The following MRC2 variants were observed in gnomAD, a reference collection of about 807,000 sequenced individuals.
MRC2 encodes the protein C-type mannose receptor 2.
Under a neutral mutation model 206.2 loss-of-function variants are expected in MRC2, and 84 were observed. The ratio of observed to expected loss-of-function variants is 0.41; its 90% CI spans 0.34 to 0.49. The LOEUF (loss-of-function observed/expected upper bound fraction) is 0.49, where lower values mean the gene tolerates loss of function less well. MRC2 is among the 20% of genes least tolerant of loss of function. MRC2 has a pLI of 0.31. For missense variants in MRC2, 1,676 were observed against 2,001.5 expected (o/e 0.84, Z 3.10); for synonymous variants, 798 against 800.0 (o/e 1.00, Z 0.04).
In MRC2 at chr17:62,664,591, C is replaced by A; in HGVS notation, c.162C>A (p.Cys54Ter). 1 of 1,613,480 alleles carries A rather than the reference C, an allele frequency of 6.2e-7. No homozygotes were observed. Among genetic ancestry groups the A allele is most frequent in the Non-Finnish European group, 8.5e-7 (1 of 1,179,966 alleles). ...TCTTCAGCCATGGACTGCAGGGCTG[C>A]CTGGAGGCCCAGGGCGGGCAGGTCA... ...FLIFSHGLQG[C>*]LEAQGGQVRV... Residue 54 changes from cysteine (C) to a stop codon, truncating the protein, a stop_gained, in exon 2 of 30, where the codon TGC (cysteine) becomes TGA (stop). Transcript: ENST00000303375. LOFTEE classifies it high-confidence loss of function. This position sits in a 1 kb window ranked among gnomAD's most constrained non-coding sequence, Gnocchi z 4.7.
At chr17:62,665,981 C>G in intron 2 of MRC2, 113 bp from the exon 3 acceptor site, 1 of 1,135,460 alleles carries the variant, frequency 8.8e-7, no homozygotes, top group Non-Finnish European at 1.2e-6. Flanking sequence ...ACCTGCTGAT[C>G]CCTGTGAACA....
At chr17:62,643,104 G>A (rs2088427531) in intron 1 of MRC2, among the ~76,000 whole-genome samples, 1 of 152,122 alleles carries the variant, frequency 6.6e-6, no homozygotes, top group Non-Finnish European at 1.5e-5. Context: ...AAGGCAGGTG[G>A]ATCACCTGAG....
chr17:62,690,352 C>T (rs2089092120), intron 26 of MRC2, 47 bp downstream of exon 26: 1 of 1,564,556 alleles, frequency 6.4e-7, no homozygotes, highest in African/African-American at 1.4e-5. Flanking sequence ...GGTGGCACCT[C>T]CTCTCGTGGG....
At chr17:62,653,936 GTC>G (rs1396700108) in intron 1 of MRC2, among the ~76,000 whole-genome samples, 2 of 152,182 alleles carry the variant, frequency 1.3e-5, no homozygotes, top group African/African-American at 4.8e-5. Context: ...CGTGGACACA[GTC>G]TCTAGCCAGG....
In MRC2 at chr17:62,671,639, G is replaced by C. The variant is rs568846474; in HGVS notation, c.1118-10G>C. 1.8e-5 allele frequency: 28 copies of C among 1,559,706 alleles called. No individual in the cohort carries two copies. In the South Asian group the frequency reaches 3.2e-4, roughly 18 times the overall value. ...CAGTCCCTGAGCAGCAGCCTCATGG[G>C]TCTCTGCAGACAGGTGGGCCAATGT... On this transcript the variant is annotated splice_polypyrimidine_tract_variant and intron_variant, in intron 6 of 29. Coordinates refer to ENST00000303375, the MANE Select transcript of MRC2 (RefSeq NM_006039.5). This position sits in a 1 kb window ranked among gnomAD's most constrained non-coding sequence, Gnocchi z 4.5.
Position 62,689,920 on chromosome 17 carries a change from A to G in MRC2, c.3600A>G (p.Ser1200=). ...GCTCTCGGCGGTACTCCTGGGTCTC[A>G]GAGGAGCCGCTGAACTACGTGGGCT... ...EEGSRRYSWV[S]EEPLNYVGWQ... Residue 1200 remains serine, a synonymous_variant, in exon 25 of 30, where the codon TCA becomes TCG. Coordinates refer to ENST00000303375, the MANE Select transcript of MRC2 (RefSeq NM_006039.5). 6.2e-7 allele frequency: 1 copy of G among 1,604,014 alleles called. No homozygotes were observed. Among genetic ancestry groups the G allele is most frequent in the Non-Finnish European group, 8.5e-7 (1 of 1,176,504 alleles).
intron 6 of MRC2, among the ~76,000 whole-genome samples, chr17:62,669,843 A>T (rs1263573642): frequency 6.6e-6 from 1 of 152,248 alleles, no homozygotes; most frequent in Non-Finnish European, 1.5e-5. Flanking sequence ...GGCGTGAGCC[A>T]CGGCTCTGGC....
At chr17:62,636,774 CGTT>C (rs1217611511) in intron 1 of MRC2, among the ~76,000 whole-genome samples, 3 of 152,028 alleles carry the variant, frequency 2.0e-5, no homozygotes, top group Admixed American at 6.6e-5. Context: ...CCTGGCCTGT[CGTT>C]GTTTTTTAAC....
Position 62,680,422 on chromosome 17 carries a change from G to C in MRC2, c.2442G>C (p.Thr814=), listed in dbSNP as rs370103289. 6.2e-6 allele frequency: 10 copies of C among 1,614,112 alleles called. No homozygotes were observed. In the South Asian group the frequency reaches 7.7e-5, roughly 12 times the overall value. The part of the protein sequence containing the change: ...LDWICKIPRG[T]DVREPDDSPQ... ...TCTTTGTCCTTGTTCCCCTAGGTAC[G>C]GACGTGCGGGAGCCCGACGACAGCC... is the stretch of plus-strand genomic sequence containing the variant. The change falls in exon 16 of 30, where the codon ACG becomes ACC. Residue 814 remains threonine (T), a synonymous_variant. Transcript: ENST00000303375. This position sits in a 1 kb window ranked among gnomAD's most constrained non-coding sequence, Gnocchi z 4.8.
intron 12 of MRC2, among the ~76,000 whole-genome samples, 194 bp from the exon 13 acceptor site, chr17:62,678,310 C>T (rs1237243447): frequency 6.6e-6 from 1 of 152,188 alleles, no homozygotes; most frequent in African/African-American, 2.4e-5. Context: ...GCTCAGGGGC[C>T]CTCTCCAGAA....
chr17:62,687,905 A>G (rs2089051981), intron 20 of MRC2, among the ~76,000 whole-genome samples: 1 of 151,922 alleles, frequency 6.6e-6, no homozygotes, highest in Non-Finnish European at 1.5e-5. Context: ...AGTGTCCTAG[A>G]GATGATCATG....
chr17:62,646,579 G>A (rs1444202740), intron 1 of MRC2, among the ~76,000 whole-genome samples: 6 of 152,360 alleles, frequency 3.9e-5, no homozygotes, highest in East Asian at 1.9e-4. Flanking sequence ...CTTGACCTAC[G>A]TCAACTTCAT....
intron 1 of MRC2, among the ~76,000 whole-genome samples, chr17:62,654,489 G>A (rs1464798101): frequency 6.6e-6 from 1 of 152,002 alleles, no homozygotes; most frequent in Admixed American, 6.6e-5. Flanking sequence ...CTTCTCATCT[G>A]CCTCCTTCAT....
At chr17:62,629,345 C>A (rs1259221862) in intron 1 of MRC2, among the ~76,000 whole-genome samples, 1 of 152,200 alleles carries the variant, frequency 6.6e-6, no homozygotes, top group Non-Finnish European at 1.5e-5. Flanking sequence ...CGGCCTTTCC[C>A]CCTGGAGCTT....
At position 62,664,645 on chromosome 17, in the gene MRC2, C is replaced by T. The variant is rs781733049; in HGVS notation, c.216C>T (p.Leu72=). Residue 72 remains leucine (L), a synonymous_variant, in exon 2 of 30, where the codon CTC becomes CTT. Coordinates refer to ENST00000303375, the MANE Select transcript of MRC2 (RefSeq NM_006039.5). This position sits in a 1 kb window ranked among gnomAD's most constrained non-coding sequence, Gnocchi z 4.7. ...TCACCCCGGCTTGCAATACCAGCCTCCCTGCCCAGCGCTGGAAGTGGGTCT... is the reference window on the plus strand; with the variant it reads ...TCACCCCGGCTTGCAATACCAGCCTTCCTGCCCAGCGCTGGAAGTGGGTCT... ...VRVTPACNTS[L]PAQRWKWVSR... is the part of the protein sequence containing the mutation. The T allele has an allele frequency of 1.2e-6, 2 of 1,613,790 alleles. No homozygotes were observed. The highest frequency in any genetic ancestry group is 2.2e-5 in the East Asian group (1 of 44,876).
Position 62,627,916 on chromosome 17 carries a change from C to T in MRC2, c.114C>T (p.Leu38=), listed in dbSNP as rs767404518. 165 of 1,451,082 alleles carry T rather than the reference C, an allele frequency of 1.1e-4. 1 individual carries two copies. In the South Asian group the frequency reaches 2.1e-3, roughly 19 times the overall value. The allele number at this position is 1,451,082 out of a possible 1,614,324, so 89.9% of individuals were successfully genotyped here. Residue 38 remains leucine, a synonymous_variant, in exon 1 of 30, where the codon CTC becomes CTT. Transcript: ENST00000303375. ...GRPGAPGDAA[L]PEPNVFLIFS... is the part of the protein sequence containing the mutation. ...CCGGCGCCCCTGGGGACGCCGCCCT[C>T]CCGGGTAAGGCGCTGCCAACTTGGC...
rs2147472383 is a variant in MRC2, at chr17:62,672,150, C to T, written c.1459C>T (p.Pro487Ser). 1 of 1,613,984 alleles carries T rather than the reference C, an allele frequency of 6.2e-7. No individual in the cohort carries two copies. Among genetic ancestry groups the T allele is most frequent in the Non-Finnish European group, 8.5e-7 (1 of 1,179,992 alleles). The change falls in exon 8 of 30, where the codon CCG (proline) becomes TCG (serine). Residue 487 changes from proline (P) to serine (S), a missense_variant and splice_region_variant. Physicochemically the swap from Pro to Ser is moderately conservative, Grantham distance 74. Coordinates refer to ENST00000303375, the MANE Select transcript of MRC2 (RefSeq NM_006039.5). This position sits in a 1 kb window ranked among gnomAD's most constrained non-coding sequence, Gnocchi z 4.5. ...GGAGGACTGTGTCACCATCTGGGGCCCGGTGAGATCTCCCTCTCCCTATCA... is the reference window on the plus strand; with the variant it reads ...GGAGGACTGTGTCACCATCTGGGGCTCGGTGAGATCTCCCTCTCCCTATCA... ...SLEDCVTIWG[P>S]EGRWNDSPCN...
intron 1 of MRC2, among the ~76,000 whole-genome samples, chr17:62,632,984 G>C (rs1027422991): frequency 6.6e-6 from 1 of 152,180 alleles, no homozygotes; most frequent in African/African-American, 2.4e-5. Flanking sequence ...AATGTAAATA[G>C]GGACAGAGTC....
intron 26 of MRC2, 47 bp from the exon 27 acceptor site, chr17:62,690,595 C>T (rs752168122): frequency 1.9e-6 from 3 of 1,542,248 alleles, no homozygotes; most frequent in Non-Finnish European, 2.6e-6. Context: ...GGACTCTGCC[C>T]CCCCCGGAGA....
Sources: gnomAD v4.1 joint callset for allele counts (sites outside exome capture counted in the v4.1 genomes callset) on GRCh38, gnomAD v4.1.1 for gene constraint, Gnocchi (gnomAD v3.1) non-coding constraint, MANE v1.5 for transcripts, NCBI Gene and HGNC (gene_info 2026-07-23, HGNC 2026-07-21) for gene names.